The following NFIB variants were observed in gnomAD, a reference collection of about 807,000 sequenced individuals.
The protein encoded by NFIB is nuclear factor I B.
In NFIB, 11 loss-of-function variants were observed where a neutral mutation model predicts 61.5. The observed-to-expected ratio is 0.18, with a 90% CI of 0.11 to 0.30. The LOEUF is 0.30. NFIB is among the 10% of genes least tolerant of loss of function. NFIB has a pLI of 1.00. For missense variants in NFIB, 471 were observed against 608.9 expected (o/e 0.77, Z 2.38); for synonymous variants, 260 against 216.5 (o/e 1.20, Z -1.76).
rs1044082163 is a variant in NFIB, at chr9:14,102,174, T to C, written c.1467+10825A>G. Among the ~76,000 whole-genome samples the C allele has an allele frequency of 3.3e-5, 5 of 152,214 alleles. No homozygotes were observed. The East Asian group carries it at 7.7e-4, about 24-fold the overall frequency. ...ACCCCCTCCCCCACCAAAAACAGTATAAATTGTAGAAAACATTTTATAGCA... is the reference window on the plus strand; with the variant it reads ...ACCCCCTCCCCCACCAAAAACAGTACAAATTGTAGAAAACATTTTATAGCA... On this transcript the variant is annotated intron_variant, in intron 10 of 10. Transcript: ENST00000380953.
chr9:14,230,983 GA>G (rs2053063204), intron 2 of NFIB, among the ~76,000 whole-genome samples: 1 of 150,042 alleles, frequency 6.7e-6, no homozygotes, highest in Non-Finnish European at 1.5e-5. Flanking sequence ...GGGGAGCGGA[GA>G]AATGGAGTTC....
upstream of NFIB, among the ~76,000 whole-genome samples, chr9:14,315,261 A>C (rs549605164): frequency 6.2e-3 from 933 of 151,450 alleles, 11 homozygotes; most frequent in African/African-American, 0.021. Context: ...CACCCGAGGC[A>C]GTCGCGGCGC....
chr9:14,211,190 T>C (rs1040427553), intron 2 of NFIB, among the ~76,000 whole-genome samples: 2 of 152,340 alleles, frequency 1.3e-5, no homozygotes, highest in East Asian at 1.9e-4. Context: ...TCTACAATAT[T>C]GTATTCAAAA....
At chr9:14,219,973 C>G (rs1476237602) in intron 2 of NFIB, among the ~76,000 whole-genome samples, 1 of 152,070 alleles carries the variant, frequency 6.6e-6, no homozygotes, top group Non-Finnish European at 1.5e-5. Context: ...GGAACTACAC[C>G]AAAAAAACTT....
chr9:14,470,253 T>C, the NFIB span, among the ~76,000 whole-genome samples: 1 of 152,172 alleles, frequency 6.6e-6, no homozygotes, highest in African/African-American at 2.4e-5. Flanking sequence ...AGAGTCTATG[T>C]GCAACTCTGT....
At chr9:14,470,461 A>C in the NFIB span, among the ~76,000 whole-genome samples, 1 of 152,154 alleles carries the variant, frequency 6.6e-6, no homozygotes, top group African/African-American at 2.4e-5. Flanking sequence ...CCCCTGAAAA[A>C]GAGAATTTGA....
chr9:14,347,949 T>G (rs542509439), intron 1 of NFIB, among the ~76,000 whole-genome samples: 1 of 152,152 alleles, frequency 6.6e-6, no homozygotes. Flanking sequence ...ACGCGGTGTC[T>G]GGTCTCCGCG....
At chr9:14,205,447 C>G (rs2049580831) in intron 2 of NFIB, among the ~76,000 whole-genome samples, 1 of 151,602 alleles carries the variant, frequency 6.6e-6, no homozygotes. Context: ...GATATATACA[C>G]AAGGTATATA....
chr9:14,248,644 T>G (rs777646787), intron 2 of NFIB, among the ~76,000 whole-genome samples: 10 of 152,148 alleles, frequency 6.6e-5, no homozygotes, highest in Non-Finnish European at 1.3e-4. Context: ...TGAGATCATG[T>G]AGTTTGGGTG....
At position 14,295,946 on chromosome 9, in the gene NFIB, G is replaced by A. The variant is rs559441849; in HGVS notation, c.562+11043C>T. Among the ~76,000 whole-genome samples, 8 of 152,214 alleles carry A rather than the reference G, an allele frequency of 5.3e-5. No individual in the cohort carries two copies. The South Asian group carries it at 1.2e-3, about 24-fold the overall frequency. ...GTCTCTGGTAAATCTGAGACAAAAA[G>A]GCTTCTAAAACCATACAATCATTCT... On this transcript the variant is annotated intron_variant, in intron 2 of 10. Coordinates refer to ENST00000380953, the MANE Select transcript of NFIB (RefSeq NM_001190737.2).
At chr9:14,447,229 C>G in the NFIB span, among the ~76,000 whole-genome samples, 37 of 152,286 alleles carry the variant, frequency 2.4e-4, 1 homozygote, top group South Asian at 7.7e-3. Context: ...GTGTCTGAAA[C>G]TTCCACGACC....
chr9:14,342,992 A>G (rs1477998127), intron 1 of NFIB, among the ~76,000 whole-genome samples: 1 of 151,094 alleles, frequency 6.6e-6, no homozygotes, highest in Non-Finnish European at 1.5e-5. Context: ...GGGAAAGAAA[A>G]GGGGGTGAGG....
At chr9:14,350,018 C>T (rs1021066490) in intron 1 of NFIB, among the ~76,000 whole-genome samples, 2 of 152,154 alleles carry the variant, frequency 1.3e-5, no homozygotes, top group African/African-American at 2.4e-5. Context: ...AAAACTCGTG[C>T]AAACTTGCCC....
At chr9:14,465,407 A>G in the NFIB span, among the ~76,000 whole-genome samples, 2 of 152,196 alleles carry the variant, frequency 1.3e-5, no homozygotes, top group Non-Finnish European at 2.9e-5. Flanking sequence ...ATTTCAAAAA[A>G]TAAACACTCT....
At chr9:14,204,198 C>A in intron 2 of NFIB, 1 of 535,526 alleles carries the variant, frequency 1.9e-6, no homozygotes, top group Non-Finnish European at 3.3e-6. Flanking sequence ...ATGGCACAGG[C>A]CTCAAAATTT....
the NFIB span, among the ~76,000 whole-genome samples, chr9:14,429,291 C>T: frequency 6.6e-6 from 1 of 152,292 alleles, no homozygotes; most frequent in African/African-American, 2.4e-5. Context: ...CATCCCCTTA[C>T]CTAATTCACA....
At chr9:14,525,708 T>C in the NFIB span, among the ~76,000 whole-genome samples, 2 of 152,180 alleles carry the variant, frequency 1.3e-5, no homozygotes, top group Non-Finnish European at 2.9e-5. Context: ...TGCTACAATT[T>C]GAAATGGAAA....
intron 4 of NFIB, among the ~76,000 whole-genome samples, chr9:14,152,124 C>T (rs946204540): frequency 3.9e-5 from 6 of 152,000 alleles, no homozygotes; most frequent in African/African-American, 1.5e-4. Context: ...GAACATCTCC[C>T]TTTCTGGACT....
chr9:14,477,273 G>A, the NFIB span, among the ~76,000 whole-genome samples: 2 of 151,992 alleles, frequency 1.3e-5, no homozygotes, highest in Non-Finnish European at 2.9e-5. Flanking sequence ...ATATGCCTAT[G>A]ATTAAAAAAA....
Sources: allele counts gnomAD v4.1 joint callset (sites outside exome capture counted in the v4.1 genomes callset), GRCh38; gene constraint gnomAD v4.1.1; transcripts MANE v1.5; gene names NCBI Gene and HGNC (gene_info 2026-07-23, HGNC 2026-07-21).